Variants in PTPRK observed in about 807,000 individuals in gnomAD.
The protein encoded by PTPRK is protein tyrosine phosphatase receptor type K.
In PTPRK, 75 loss-of-function variants were observed where a neutral mutation model predicts 178.0. That is an observed-to-expected ratio of 0.42 (90% confidence interval 0.35 to 0.51). The LOEUF (loss-of-function observed/expected upper bound fraction) is 0.51. PTPRK is among the 20% of genes least tolerant of loss of function. The pLI, the probability that PTPRK is intolerant of heterozygous loss-of-function variation, is 0.02. For synonymous variants in PTPRK, 637 were observed against 620.6 expected (o/e 1.03, Z -0.39); for missense variants, 1,441 against 1,797.8 (o/e 0.80, Z 3.59).
At chr6:128,432,011 G>C (rs1174709735) in intron 1 of PTPRK, among the ~76,000 whole-genome samples, 1 of 151,992 alleles carries the variant, frequency 6.6e-6, no homozygotes, top group Non-Finnish European at 1.5e-5. Context: ...AAAAAGTGAG[G>C]GAAGAGAAAG....
At chr6:128,369,638 A>C (rs966629124) in intron 2 of PTPRK, among the ~76,000 whole-genome samples, 1 of 152,168 alleles carries the variant, frequency 6.6e-6, no homozygotes, top group Admixed American at 6.5e-5. Context: ...CCAAACTCAC[A>C]TGTATTGAGA....
At chr6:128,495,462 A>C (rs1854515451) in intron 1 of PTPRK, among the ~76,000 whole-genome samples, 1 of 152,142 alleles carries the variant, frequency 6.6e-6, no homozygotes, top group Non-Finnish European at 1.5e-5. Flanking sequence ...GAGCCTAAAA[A>C]AAAAAATCCT....
intron 6 of PTPRK, among the ~76,000 whole-genome samples, chr6:128,200,628 G>C (rs1169942288): frequency 6.6e-6 from 1 of 151,478 alleles, no homozygotes; most frequent in Non-Finnish European, 1.5e-5. Flanking sequence ...TAGCTACTTG[G>C]GAGGCTGAGG....
intron 7 of PTPRK, among the ~76,000 whole-genome samples, chr6:128,159,956 T>A (rs556957603): frequency 6.6e-6 from 1 of 151,712 alleles, no homozygotes; most frequent in Admixed American, 6.6e-5. Context: ...TTTACTTACA[T>A]CCTGAGGTTT....
intron 3 of PTPRK, among the ~76,000 whole-genome samples, chr6:128,279,174 G>A (rs927682280): frequency 2.7e-5 from 4 of 149,256 alleles, no homozygotes; most frequent in African/African-American, 9.9e-5. Context: ...ACAAATCCCT[G>A]GGAGAACAAG....
At chr6:128,042,830 T>G (rs1030177576) in intron 13 of PTPRK, among the ~76,000 whole-genome samples, 5 of 152,024 alleles carry the variant, frequency 3.3e-5, no homozygotes, top group African/African-American at 4.8e-5. Context: ...TCTCTAGAAA[T>G]GTTAACTGGC....
chr6:128,513,493 A>AAAAGAAAGAAAG (rs562818808), intron 1 of PTPRK, among the ~76,000 whole-genome samples: 13 of 150,334 alleles, frequency 8.6e-5, no homozygotes, highest in African/African-American at 3.2e-4. Flanking sequence ...CAAAAAAAAA[A>AAAAGAAAGAAAG]AAAGAAAGAA....
At chr6:128,140,681 C>T (rs1795653157) in intron 7 of PTPRK, among the ~76,000 whole-genome samples, 2 of 152,034 alleles carry the variant, frequency 1.3e-5, no homozygotes, top group African/African-American at 2.4e-5. Flanking sequence ...TACAGATAAA[C>T]ATTTTCAGAA....
intron 7 of PTPRK, among the ~76,000 whole-genome samples, chr6:128,136,899 A>G (rs907570562): frequency 1.3e-5 from 2 of 152,138 alleles, no homozygotes; most frequent in African/African-American, 2.4e-5. Context: ...CCCAGAATCT[A>G]TCCTCTAGGG....
At chr6:128,054,320 T>A (rs1779545700) in intron 13 of PTPRK, among the ~76,000 whole-genome samples, 4 of 152,178 alleles carry the variant, frequency 2.6e-5, no homozygotes. Context: ...TCCATAAAAT[T>A]CTTCTCTTAG....
chr6:128,090,562 C>G (rs190978326), intron 7 of PTPRK, among the ~76,000 whole-genome samples: 201 of 151,902 alleles, frequency 1.3e-3, no homozygotes, highest in Non-Finnish European at 8.8e-5. Flanking sequence ...TGTAGATATT[C>G]ACATTGTCTT....
chr6:128,409,246 T>C (rs1842027671), intron 1 of PTPRK: 3 of 435,258 alleles, frequency 6.9e-6, no homozygotes, highest in African/African-American at 2.0e-5. Context: ...ATCTAAAACA[T>C]GGCTATAACT....
intron 2 of PTPRK, among the ~76,000 whole-genome samples, chr6:128,342,858 A>G (rs1372109377): frequency 6.6e-6 from 1 of 152,174 alleles, no homozygotes; most frequent in Non-Finnish European, 1.5e-5. Flanking sequence ...AGCCTGAGGT[A>G]GGAGGATCAC....
At chr6:128,361,857 G>A (rs1834806991) in intron 2 of PTPRK, among the ~76,000 whole-genome samples, 1 of 152,022 alleles carries the variant, frequency 6.6e-6, no homozygotes, top group Admixed American at 6.6e-5. Flanking sequence ...TCTAAATAAA[G>A]GCATTTTTGT....
At chr6:128,122,295 A>C (rs1792605279) in intron 7 of PTPRK, among the ~76,000 whole-genome samples, 1 of 152,152 alleles carries the variant, frequency 6.6e-6, no homozygotes, top group Non-Finnish European at 1.5e-5. Context: ...CTGAGGAGGA[A>C]GCCTGAATAA....
chr6:128,407,302 G>A (rs933121305), intron 1 of PTPRK, among the ~76,000 whole-genome samples: 1 of 152,076 alleles, frequency 6.6e-6, no homozygotes, highest in African/African-American at 2.4e-5. Context: ...CAGTACATAT[G>A]AGAAGATCTC....
chr6:128,254,236 T>G (rs1816927635), intron 3 of PTPRK, among the ~76,000 whole-genome samples: 1 of 152,118 alleles, frequency 6.6e-6, no homozygotes, highest in Non-Finnish European at 1.5e-5. Context: ...TCTGTTTTAT[T>G]TTACAAGACA....
At chr6:128,507,564 C>T (rs1856558977) in intron 1 of PTPRK, among the ~76,000 whole-genome samples, 1 of 152,130 alleles carries the variant, frequency 6.6e-6, no homozygotes, top group Non-Finnish European at 1.5e-5. Context: ...GCTGATAGGA[C>T]TCTGCCAGCC....
chr6:128,458,832 G>T (rs1293194834), intron 1 of PTPRK, among the ~76,000 whole-genome samples: 1 of 152,180 alleles, frequency 6.6e-6, no homozygotes, highest in East Asian at 1.9e-4. Context: ...ATATGTGAAA[G>T]AAATCCATTA....
Sources: allele counts gnomAD v4.1 joint callset (sites outside exome capture counted in the v4.1 genomes callset), GRCh38; gene constraint gnomAD v4.1.1; transcripts MANE v1.5; gene names NCBI Gene and HGNC (gene_info 2026-07-23, HGNC 2026-07-21).